GAREM1: variants seen among roughly 807,000 people sequenced by gnomAD.
GAREM1 encodes the protein GRB2 associated regulator of MAPK1 subtype 1.
GAREM1 carries 26 observed loss-of-function variants against 71.3 expected under a neutral mutation model. That is an observed-to-expected ratio of 0.36 (90% CI 0.27 to 0.51). The LOEUF (loss-of-function observed/expected upper bound fraction) is 0.51, where lower values mean the gene tolerates loss of function less well. GAREM1 is among the 20% of genes least tolerant of loss of function. GAREM1 has a pLI of 0.95. For synonymous variants in GAREM1, 440 were observed against 433.2 expected, an observed-to-expected ratio of 1.02 and a Z score of -0.20; for missense variants, 1,026 against 1,103.1, an observed-to-expected ratio of 0.93 and a Z score of 0.99.
chr18:32,396,276 G>A (rs1250410434), intron 1 of GAREM1, among the ~76,000 whole-genome samples: 5 of 152,184 alleles, frequency 3.3e-5, no homozygotes, highest in African/African-American at 2.4e-5. Flanking sequence ...TCAAAGGAAC[G>A]CAGCTCCTCG....
intron 1 of GAREM1, among the ~76,000 whole-genome samples, chr18:32,433,385 T>C (rs377154385): frequency 4.5e-4 from 68 of 151,616 alleles, no homozygotes; most frequent in Admixed American, 3.0e-3. Flanking sequence ...GAGGAAAGGA[T>C]ACCCACTCTT....
chr18:32,287,697 G>C lies in GAREM1; in HGVS notation c.900C>G (p.His300Gln). Residue 300 changes from histidine to glutamine, a missense_variant, in exon 4 of 6, where the codon CAC (histidine) becomes CAG (glutamine). This residue lies in a region of GAREM1 where 218 missense variants were observed against 296.8 expected (regional missense o/e 0.73). Transcript: ENST00000269209. This position sits in a 1 kb window ranked among gnomAD's most constrained non-coding sequence, Gnocchi z 5.9. ...GGAGGCTGAACTTGGGGACAGTCAA[G>C]TGCAAAGGAAAGTGCATGGGGAGGA... ...NKILPMHFPL[H>Q]LTVPKFSLPE... The C allele has an allele frequency of 6.2e-7, 1 of 1,614,190 alleles. No individual in the cohort carries two copies. Among genetic ancestry groups the C allele is most frequent in the Non-Finnish European group, 8.5e-7 (1 of 1,180,036 alleles).
At chr18:32,371,288 G>C (rs932571636) in intron 2 of GAREM1, among the ~76,000 whole-genome samples, 2 of 152,148 alleles carry the variant, frequency 1.3e-5, no homozygotes, top group African/African-American at 4.8e-5. Context: ...ATCCACAAAA[G>C]AATTTATGCC....
At chr18:32,391,690 C>G (rs925269099) in intron 2 of GAREM1, among the ~76,000 whole-genome samples, 15 of 152,134 alleles carry the variant, frequency 9.9e-5, no homozygotes, top group Non-Finnish European at 1.5e-5. Context: ...CCTGTGAAAA[C>G]TGCCCCACTT....
intron 2 of GAREM1, among the ~76,000 whole-genome samples, chr18:32,340,945 AAAC>A (rs1177178713): frequency 6.6e-6 from 1 of 152,148 alleles, no homozygotes; most frequent in Admixed American, 6.5e-5. Flanking sequence ...TAAATATATA[AAAC>A]AACTGGATGA....
At chr18:32,300,082 T>C (rs958585963) in intron 3 of GAREM1, among the ~76,000 whole-genome samples, 6 of 152,190 alleles carry the variant, frequency 3.9e-5, no homozygotes, top group Admixed American at 1.3e-4. Context: ...AGTAGAAAAG[T>C]GTATTATAAA....
Position 32,288,137 on chromosome 18 carries a change from G to C in GAREM1, c.460C>G (p.Leu154Val). Residue 154 changes from leucine (L) to valine (V), a missense_variant, in exon 4 of 6, where the codon CTC (leucine) becomes GTC (valine). Physicochemically the swap from Leu to Val is conservative, Grantham distance 32 (BLOSUM62 1). This residue lies in a region of GAREM1 where 218 missense variants were observed against 296.8 expected (regional missense o/e 0.73). Coordinates refer to ENST00000269209, the MANE Select transcript of GAREM1 (RefSeq NM_001242409.2). Reference protein sequence around the residue: ...YNITLCTGDELTLMGQAEILY... With the variant: ...YNITLCTGDEVTLMGQAEILY... The stretch of plus-strand genomic sequence containing the variant: ...ATTTCTGCCTGCCCCATTAGAGTGA[G>C]TTCATCCCCAGTACACAGGGTGATG... The C allele has an allele frequency of 6.2e-7, 1 of 1,614,096 alleles. No individual in the cohort carries two copies. The highest frequency in any genetic ancestry group is 8.5e-7 in the Non-Finnish European group (1 of 1,180,036).
At chr18:32,375,062 AATT>A (rs1277410360) in intron 2 of GAREM1, among the ~76,000 whole-genome samples, 2 of 152,208 alleles carry the variant, frequency 1.3e-5, no homozygotes, top group East Asian at 3.8e-4. Flanking sequence ...AATGCTTTGC[AATT>A]ATTATAAATT....
At position 32,354,021 on chromosome 18, in the gene GAREM1, T is replaced by C. The variant is rs370023520; in HGVS notation, c.262+38874A>G. Among the ~76,000 whole-genome samples, 10 of 152,320 alleles carry C rather than the reference T, an allele frequency of 6.6e-5. No homozygotes were observed. The East Asian group carries it at 9.6e-4, about 15-fold the overall frequency. The stretch of plus-strand genomic sequence containing the variant: ...TGTTAAGAAATGAATTGATGAGTAT[T>C]AGTAAAACCAAAGGAACCACAGATA... On this transcript the variant is annotated intron_variant, in intron 2 of 5. Transcript: ENST00000269209.
intron 1 of GAREM1, among the ~76,000 whole-genome samples, chr18:32,410,638 T>A (rs753895957): frequency 6.6e-6 from 1 of 152,158 alleles, no homozygotes; most frequent in Non-Finnish European, 1.5e-5. Flanking sequence ...TAATTAACTA[T>A]ATGATTATGG....
At chr18:32,441,724 A>G (rs913486937) in intron 1 of GAREM1, among the ~76,000 whole-genome samples, 3 of 152,154 alleles carry the variant, frequency 2.0e-5, no homozygotes, top group Non-Finnish European at 4.4e-5. Context: ...GACACAAGCC[A>G]ACCCACACAG....
intron 2 of GAREM1, among the ~76,000 whole-genome samples, chr18:32,333,707 C>T (rs940088263): frequency 6.6e-6 from 1 of 152,192 alleles, no homozygotes; most frequent in Non-Finnish European, 1.5e-5. Context: ...GGCAATAGAT[C>T]TCATCCTCTA....
At chr18:32,394,754 C>T (rs1048754535) in intron 1 of GAREM1, among the ~76,000 whole-genome samples, 3 of 152,180 alleles carry the variant, frequency 2.0e-5, no homozygotes, top group Non-Finnish European at 4.4e-5. Flanking sequence ...CAGCCCCCTG[C>T]TGAGCATATG....
At position 32,264,521 on chromosome 18, in the gene GAREM1, T is replaced by A. The variant is rs2041347192; in HGVS notation, c.*3350A>T. 1 of 152,202 alleles carries A rather than the reference T, an allele frequency of 6.6e-6. No individual in the cohort carries two copies. The highest frequency in any genetic ancestry group is 1.9e-4 in the East Asian group (1 of 5,198). 9.4% of individuals were successfully genotyped at this position (152,202 alleles called of 1,614,324 possible). On this transcript the variant is annotated 3_prime_UTR_variant, in exon 6 of 6. Coordinates refer to ENST00000269209, the MANE Select transcript of GAREM1 (RefSeq NM_001242409.2). ...CTGTGGAATGTGAGCAGAGACTGTT[T>A]ATGCATGTGTCTGAGAACAGTTGGA...
At chr18:32,318,019 TC>T (rs2047396755) in intron 2 of GAREM1, among the ~76,000 whole-genome samples, 1 of 152,192 alleles carries the variant, frequency 6.6e-6, no homozygotes, top group Non-Finnish European at 1.5e-5. Flanking sequence ...GATGTTACTG[TC>T]AAACTCTGTT....
chr18:32,317,948 T>A (rs547829846), intron 2 of GAREM1, among the ~76,000 whole-genome samples: 1 of 152,288 alleles, frequency 6.6e-6, no homozygotes, highest in South Asian at 2.1e-4. Flanking sequence ...ATTTCACGAA[T>A]AACAGAGTCT....
intron 3 of GAREM1, among the ~76,000 whole-genome samples, chr18:32,301,591 C>T (rs2047202984): frequency 6.6e-6 from 1 of 152,172 alleles, no homozygotes; most frequent in African/African-American, 2.4e-5. Context: ...TAGAACTCAC[C>T]AGCCTCAGCC....
At chr18:32,300,081 G>C (rs2047184722) in intron 3 of GAREM1, among the ~76,000 whole-genome samples, 1 of 152,128 alleles carries the variant, frequency 6.6e-6, no homozygotes, top group Non-Finnish European at 1.5e-5. Context: ...TAGTAGAAAA[G>C]TGTATTATAA....
At chr18:32,318,808 G>C (rs1281840937) in intron 2 of GAREM1, among the ~76,000 whole-genome samples, 1 of 152,210 alleles carries the variant, frequency 6.6e-6, no homozygotes, top group Non-Finnish European at 1.5e-5. Context: ...CACAACTCAA[G>C]TGAGCAACAT....
Sources: allele counts gnomAD v4.1 joint callset (sites outside exome capture counted in the v4.1 genomes callset), GRCh38; gene constraint gnomAD v4.1.1; regional missense constraint gnomAD v4.1.1; non-coding constraint Gnocchi (gnomAD v3.1); transcripts MANE v1.5; gene names NCBI Gene and HGNC (gene_info 2026-07-23, HGNC 2026-07-21).